SPATA13: variants seen among roughly 807,000 people sequenced by gnomAD.
The protein encoded by SPATA13 is spermatogenesis associated 13, also known as spermatogenesis-associated protein 13.
A neutral mutation model predicts 104.0 loss-of-function variants in SPATA13; 50 were observed. That is an observed-to-expected ratio of 0.48 (90% CI 0.38 to 0.61). The LOEUF (loss-of-function observed/expected upper bound fraction) is 0.61, where lower values mean the gene tolerates loss of function less well. Ranked by LOEUF, SPATA13 falls within the 20% of genes least tolerant of loss-of-function variation. The probability of loss-of-function intolerance (pLI) is 0.00; values close to 1 mark genes in which losing one functional copy is unlikely to be tolerated. For missense variants in SPATA13, 1,524 were observed against 1,690.6 expected, an observed-to-expected ratio of 0.90 and a Z score of 1.73; for synonymous variants, 606 against 667.5, an observed-to-expected ratio of 0.91 and a Z score of 1.42.
At chr13:24,145,061 A>G (rs1294330744) in intron 3 of SPATA13, among the ~76,000 whole-genome samples, 1 of 152,170 alleles carries the variant, frequency 6.6e-6, no homozygotes, top group Non-Finnish European at 1.5e-5. Flanking sequence ...ATGAGCTGGT[A>G]CACTATTTCT....
chr13:24,132,757 T>C (rs7328758), intron 3 of SPATA13, among the ~76,000 whole-genome samples: 82,694 of 151,832 alleles, frequency 0.54, 22,710 homozygotes, highest in South Asian at 0.6. Flanking sequence ...GTGGATCACC[T>C]GAGGTCAAGA....
At chr13:24,195,592 A>G (rs912687479) in intron 1 of SPATA13, among the ~76,000 whole-genome samples, 1 of 152,174 alleles carries the variant, frequency 6.6e-6, no homozygotes, top group Admixed American at 6.5e-5. Flanking sequence ...TGATTTTTCC[A>G]CATCTTTGCC....
intron 2 of SPATA13, among the ~76,000 whole-genome samples, chr13:24,016,270 C>G (rs774601861): frequency 6.6e-6 from 1 of 152,276 alleles, no homozygotes; most frequent in East Asian, 1.9e-4. Flanking sequence ...TCCTCCAGGA[C>G]GTGGCCCTGG....
chr13:24,131,375 C>T (rs189292425), intron 3 of SPATA13, among the ~76,000 whole-genome samples: 1 of 152,284 alleles, frequency 6.6e-6, no homozygotes, highest in East Asian at 1.9e-4. Context: ...TGACTTCTCA[C>T]AGGGCTGACT....
intron 1 of SPATA13, among the ~76,000 whole-genome samples, chr13:24,168,968 GTTTTC>G (rs1566130293): frequency 2.0e-5 from 3 of 151,948 alleles, no homozygotes; most frequent in Non-Finnish European, 2.9e-5. Flanking sequence ...CTTTTTTGTT[GTTTTC>G]TTTTCTTCTT....
chr13:23,994,146 A>G (rs1379832823), intron 2 of SPATA13, among the ~76,000 whole-genome samples: 2 of 152,160 alleles, frequency 1.3e-5, no homozygotes, highest in Non-Finnish European at 2.9e-5. Context: ...CTGGCCTTCT[A>G]AATTCCAACT....
chr13:23,987,180 G>C (rs1382389231), intron 2 of SPATA13, among the ~76,000 whole-genome samples: 1 of 152,100 alleles, frequency 6.6e-6, no homozygotes, highest in Non-Finnish European at 1.5e-5. Flanking sequence ...TAGTTTATGG[G>C]ATGGATAATC....
chr13:24,105,920 G>A (rs1880432900), intron 3 of SPATA13, among the ~76,000 whole-genome samples: 1 of 152,172 alleles, frequency 6.6e-6, no homozygotes, highest in African/African-American at 2.4e-5. Context: ...AAGGAGGGAG[G>A]CCTCAGAAGA....
At chr13:24,032,347 G>C (rs2137717384) in intron 3 of SPATA13, among the ~76,000 whole-genome samples, 1 of 152,266 alleles carries the variant, frequency 6.6e-6, no homozygotes, top group South Asian at 2.1e-4. Context: ...CCATTGCAAT[G>C]GTCCTGAATA....
upstream of SPATA13, among the ~76,000 whole-genome samples, chr13:24,156,008 G>A (rs1220578): frequency 0.087 from 13,195 of 152,128 alleles, 625 homozygotes; most frequent in Middle Eastern, 0.12. Flanking sequence ...AGCGTGTGTC[G>A]GAATTTTGTT....
chr13:24,277,300 T>C lies in SPATA13; in HGVS notation c.2165-6835T>C, dbSNP rs371456399. Among the ~76,000 whole-genome samples, 825 of 151,674 alleles carry C rather than the reference T, an allele frequency of 5.4e-3. 2 individuals carry two copies. The highest frequency in any genetic ancestry group is 8.7e-3 in the African/African-American group (359 of 41,314). On this transcript the variant is annotated intron_variant, in intron 4 of 12. Transcript: ENST00000382108. Reference sequence around the variant, plus strand: ...TCTACTAAAAATACAAAAAATTAGCTGGGTGTGGTGGCGGGCGCCTGTAGT... The same window carrying C: ...TCTACTAAAAATACAAAAAATTAGCCGGGTGTGGTGGCGGGCGCCTGTAGT...
intron 3 of SPATA13, among the ~76,000 whole-genome samples, chr13:24,080,727 A>C (rs2137777275): frequency 6.6e-6 from 1 of 152,344 alleles, no homozygotes; most frequent in South Asian, 2.1e-4. Context: ...GTAACAGTGT[A>C]GGGCACAGAC....
chr13:24,251,365 A>G, intron 3 of SPATA13: 5 of 696,388 alleles, frequency 7.2e-6, no homozygotes, highest in Non-Finnish European at 8.8e-6. Flanking sequence ...CTGGGAAAGC[A>G]TCTTCTTACC....
At chr13:24,158,328 A>G (rs1882323345), upstream of SPATA13, among the ~76,000 whole-genome samples, 1 of 152,248 alleles carries the variant, frequency 6.6e-6, no homozygotes, top group South Asian at 2.1e-4. Context: ...ATAGAGAGCC[A>G]TGTTGACAGA....
At chr13:24,272,253 C>T (rs1874666381) in intron 4 of SPATA13, among the ~76,000 whole-genome samples, 1 of 152,194 alleles carries the variant, frequency 6.6e-6, no homozygotes, top group Non-Finnish European at 1.5e-5. Context: ...CCGAGGGAAG[C>T]CCGACCCAGC....
chr13:24,290,997 G>A, intron 9 of SPATA13, 113 bp downstream of exon 9: 2 of 799,892 alleles, frequency 2.5e-6, no homozygotes, highest in Non-Finnish European at 4.0e-6. Context: ...AACACTTTGG[G>A]AGCTCCATGG....
chr13:24,162,496 C>G (rs762931108), intron 1 of SPATA13: 4 of 155,852 alleles, frequency 2.6e-5, no homozygotes, highest in African/African-American at 4.8e-5. Flanking sequence ...CGAGGAGTGG[C>G]AGCTGCATCT....
chr13:24,036,773 G>A (rs1008459738), intron 3 of SPATA13, among the ~76,000 whole-genome samples: 1 of 151,890 alleles, frequency 6.6e-6, no homozygotes, highest in South Asian at 2.1e-4. Flanking sequence ...CGTTATTGTC[G>A]GTACCACTCA....
intron 1 of SPATA13, among the ~76,000 whole-genome samples, chr13:24,203,137 T>C (rs1364972436): frequency 5.7e-5 from 8 of 140,488 alleles, no homozygotes; most frequent in Non-Finnish European, 7.8e-5. Flanking sequence ...CCCCATCCCC[T>C]CCCTCCCCAC....
Sources: gnomAD v4.1 joint callset for allele counts (sites outside exome capture counted in the v4.1 genomes callset) on GRCh38, gnomAD v4.1.1 for gene constraint, MANE v1.5 for transcripts, NCBI Gene and HGNC (gene_info 2026-07-23, HGNC 2026-07-21) for gene names.